The following RBMX2 variants were observed in gnomAD, a reference collection of about 807,000 sequenced individuals.
RBMX2 encodes the protein RNA-binding motif protein, X-linked 2.
For synonymous variants in RBMX2, 77 were observed against 94.3 expected, an observed-to-expected ratio of 0.82 and a Z score of 1.07; for missense variants, 191 against 256.0, an observed-to-expected ratio of 0.75 and a Z score of 1.73.
rs546841722 is a variant in RBMX2 at position 130,403,267 on chromosome X, G to C, written c.122-535G>C. 8.7e-4 allele frequency among the ~76,000 whole-genome samples: 98 copies of C among 112,617 alleles called. 1 individual carries two copies. The highest frequency in any genetic ancestry group is 3.0e-3 in the African/African-American group (93 of 31,043). The stretch of plus-strand genomic sequence containing the variant: ...AGGACTGAGTGATCAGATTAGTTTC[G>C]TTAGTGGTGACCCCGACTTCCACTC... On this transcript the variant is annotated intron_variant, in intron 2 of 5. Coordinates refer to ENST00000305536, the MANE Select transcript of RBMX2 (RefSeq NM_016024.4).
chrX:130,406,000 G>A (rs1320824366), intron 3 of RBMX2, among the ~76,000 whole-genome samples: 1 of 78,516 alleles, frequency 1.3e-5, no homozygotes, highest in Non-Finnish European at 2.2e-5. Flanking sequence ...GACTACAGGC[G>A]CCCGCCACTA....
At chrX:130,402,227 C>CA in intron 1 of RBMX2, 28 bp from the exon 2 acceptor site, 1 of 1,023,972 alleles carries the variant, frequency 9.8e-7, no homozygotes, top group Non-Finnish European at 1.4e-6. Context: ...TTCTGCCTAC[C>CA]CTCCCCACCC....
chrX:130,404,019 T>C, intron 3 of RBMX2, 166 bp downstream of exon 3: 1 of 475,519 alleles, frequency 2.1e-6, no homozygotes, highest in Non-Finnish European at 3.7e-6. Context: ...GACATGGTTC[T>C]AGAATGTTCT....
chrX:130,406,361 AG>A (rs1312016066), intron 3 of RBMX2, among the ~76,000 whole-genome samples: 3 of 110,932 alleles, frequency 2.7e-5, no homozygotes, highest in Non-Finnish European at 3.8e-5. Context: ...ATTGTATTAC[AG>A]GTTGAATATC....
At chrX:130,411,321 C>T in intron 4 of RBMX2, 27 bp from the exon 5 acceptor site, 1 of 1,142,877 alleles carries the variant, frequency 8.7e-7, no homozygotes, top group Non-Finnish European at 1.2e-6. Flanking sequence ...GGGCTGTCTT[C>T]ACTGAAGCAT....
At chrX:130,402,229 T>TCCCCCC (rs1603270908) in intron 1 of RBMX2, 26 bp from the exon 2 acceptor site, 39 of 726,240 alleles carry the variant, frequency 5.4e-5, no homozygotes, top group African/African-American at 3.2e-4. Context: ...CTGCCTACCC[T>TCCCCCC]CCCCACCCCC....
At chrX:130,403,675 G>A in intron 2 of RBMX2, 127 bp from the exon 3 acceptor site, 1 of 626,880 alleles carries the variant, frequency 1.6e-6, no homozygotes, top group Non-Finnish European at 2.6e-6. Context: ...GCCCAGCCCA[G>A]ACTTGATTTC....
At chrX:130,402,508 C>T (rs898853147) in intron 2 of RBMX2, 138 bp downstream of exon 2, 7 of 1,023,333 alleles carry the variant, frequency 6.8e-6, no homozygotes, top group Non-Finnish European at 9.0e-6. Context: ...CCCGGGAATC[C>T]GTGTTACATC....
At chrX:130,402,224 T>TTGCCCCCCC in intron 1 of RBMX2, 31 bp from the exon 2 acceptor site, 3 of 1,174,319 alleles carry the variant, frequency 2.6e-6, no homozygotes, top group African/African-American at 1.8e-5. Context: ...CTTTTCTGCC[T>TTGCCCCCCC]ACCCTCCCCA....
intron 1 of RBMX2, 30 bp from the exon 2 acceptor site, chrX:130,402,225 A>AGCCCCCC: frequency 9.1e-6 from 9 of 984,784 alleles, no homozygotes; most frequent in Non-Finnish European, 1.3e-5. Flanking sequence ...TTTTCTGCCT[A>AGCCCCCC]CCCTCCCCAC....
In RBMX2 at chrX:130,412,434, C is replaced by T. The variant is rs756455146; in HGVS notation, c.555C>T (p.Ser185=). The T allele has an allele frequency of 1.7e-6, 2 of 1,208,802 alleles. No individual in the cohort carries two copies. The highest frequency in any genetic ancestry group is 3.5e-5 in the South Asian group (2 of 56,402). Residue 185 remains serine, a synonymous_variant, in exon 6 of 6, where the codon TCC becomes TCT. Coordinates refer to ENST00000305536, the MANE Select transcript of RBMX2 (RefSeq NM_016024.4). ...ADREVQAEQP[S]SSSPRRKTVK... is the part of the protein sequence containing the mutation. The stretch of plus-strand genomic sequence containing the variant: ...GGGAGGTACAGGCAGAGCAACCATC[C>T]TCTTCGTCACCCAGACGCAAGACAG...
At position 130,405,460 on chromosome X, in the gene RBMX2, G is replaced by A. The variant is rs2034479515; in HGVS notation, c.173+1607G>A. On this transcript the variant is annotated intron_variant, in intron 3 of 5. Transcript: ENST00000305536. ...AATACATAGTCATTATAGAACATTTGGCAAAATAAAGTATAAAGAAGAAAA... is the reference window on the plus strand; with the variant it reads ...AATACATAGTCATTATAGAACATTTAGCAAAATAAAGTATAAAGAAGAAAA... Among the ~76,000 whole-genome samples the A allele has an allele frequency of 1.8e-5, 2 of 111,178 alleles. 1 individual carries two copies. Among genetic ancestry groups the A allele is most frequent in the Admixed American group, 1.9e-4 (2 of 10,473 alleles).
At chrX:130,402,229 TCCCC>T in intron 1 of RBMX2, 22 bp from the exon 2 acceptor site, 1 of 722,980 alleles carries the variant, frequency 1.4e-6, no homozygotes, top group Non-Finnish European at 1.9e-6. Flanking sequence ...CTGCCTACCC[TCCCC>T]ACCCCCCCCG....
At chrX:130,402,225 A>AGCCCAC in intron 1 of RBMX2, 30 bp from the exon 2 acceptor site, 2 of 984,795 alleles carry the variant, frequency 2.0e-6, no homozygotes, top group Non-Finnish European at 2.8e-6. Flanking sequence ...TTTTCTGCCT[A>AGCCCAC]CCCTCCCCAC....
intron 3 of RBMX2, 57 bp from the exon 4 acceptor site, chrX:130,409,200 T>C (rs2034500410): frequency 9.4e-7 from 1 of 1,062,410 alleles, no homozygotes. Flanking sequence ...TATTACCTTA[T>C]CTGCATGTTT....
intron 4 of RBMX2, 33 bp downstream of exon 4, chrX:130,409,419 T>C: frequency 8.5e-7 from 1 of 1,182,126 alleles, no homozygotes; most frequent in Non-Finnish European, 1.1e-6. Context: ...TTGGTTGGAC[T>C]TTTTTCCCAT....
rs1240714376 is a variant in RBMX2, at chrX:130,409,139, T to C, written c.174-118T>C. The C allele has an allele frequency of 5.2e-6, 3 of 577,432 alleles. No individual in the cohort carries two copies. In the Admixed American group the frequency reaches 1.5e-4, roughly 30 times the overall value. The allele number at this position is 577,432 out of a possible 1,213,427, so 47.6% of individuals were successfully genotyped here. ...TTTTCTTTGCAACCTTTCTATGTCA[T>C]CTTGTTCTAGATGCATCTCTTGTAT... On this transcript the variant is annotated intron_variant, in intron 3 of 5. Coordinates refer to ENST00000305536, the MANE Select transcript of RBMX2 (RefSeq NM_016024.4).
rs370974085 is a variant in RBMX2 at position 130,412,795 on chromosome X, C to T, written c.916C>T (p.Arg306Ter). The T allele has an allele frequency of 1.2e-5, 14 of 1,208,564 alleles. No individual in the cohort carries two copies. The highest frequency in any genetic ancestry group is 3.0e-5 in the East Asian group (1 of 33,720). The change falls in exon 6 of 6, where the codon CGA becomes TGA. Residue 306 changes from arginine (R) to a stop codon, truncating the protein, a stop_gained. Coordinates refer to ENST00000305536, the MANE Select transcript of RBMX2 (RefSeq NM_016024.4). LOFTEE classifies it high-confidence loss of function. Reference protein sequence around the residue: ...RDKSHRHKRARRSRERESSNP... With the variant: ...RDKSHRHKRA ...TAAATCCCATAGGCATAAAAGGGCCCGACGCTCCCGGGAGCGGGAGTCTTC... is the reference window on the plus strand; with the variant it reads ...TAAATCCCATAGGCATAAAAGGGCCTGACGCTCCCGGGAGCGGGAGTCTTC...
chrX:130,409,430 G>C, intron 4 of RBMX2, 44 bp downstream of exon 4: 2 of 1,156,004 alleles, frequency 1.7e-6, no homozygotes, highest in Non-Finnish European at 2.3e-6. Context: ...TTTTTCCCAT[G>C]TATAGGGGTT....
Sources: allele counts gnomAD v4.1 joint callset (sites outside exome capture counted in the v4.1 genomes callset), GRCh38; gene constraint gnomAD v4.1.1; transcripts MANE v1.5; gene names NCBI Gene and HGNC (gene_info 2026-07-23, HGNC 2026-07-21).